The following LBP variants were observed in gnomAD, a reference collection of about 807,000 sequenced individuals.
LBP encodes lipopolysaccharide binding protein, also known as lipopolysaccharide-binding protein.
Under a neutral mutation model 56.6 loss-of-function variants are expected in LBP, and 53 were observed. The ratio of observed to expected loss-of-function variants is 0.94; its 90% CI spans 0.75 to 1.18. LBP has a LOEUF of 1.18. LBP is among the 50% of genes most tolerant of loss of function. The pLI is 0.00. For missense variants in LBP, 601 were observed against 598.3 expected (o/e 1.00, Z -0.05); for synonymous variants, 227 against 247.5 (o/e 0.92, Z 0.78).
chr20:38,370,610 TG>T, intron 10 of LBP, 127 bp from the exon 11 acceptor site: 1 of 782,826 alleles, frequency 1.3e-6, no homozygotes, highest in Non-Finnish European at 2.2e-6. Flanking sequence ...TATGATCTAG[TG>T]GGCAAATTTC....
chr20:38,352,912 CTCTT>C (rs1182642027), intron 3 of LBP, among the ~76,000 whole-genome samples: 3 of 151,710 alleles, frequency 2.0e-5, no homozygotes, highest in African/African-American at 4.8e-5. Flanking sequence ...TTAATTTCAG[CTCTT>C]TCTTTTTATC....
chr20:38,348,792 T>TTTA (rs1600721185), intron 1 of LBP, among the ~76,000 whole-genome samples: 506 of 41,552 alleles, frequency 0.012, 3 homozygotes, highest in East Asian at 0.046. Flanking sequence ...AGTTTAGTTT[T>TTTA]GTTTTGTTTT....
intron 1 of LBP, among the ~76,000 whole-genome samples, 181 bp from the exon 2 acceptor site, chr20:38,349,367 G>C (rs778220393): frequency 2.6e-5 from 4 of 152,180 alleles, no homozygotes; most frequent in Non-Finnish European, 5.9e-5. Flanking sequence ...GAAATGCAGG[G>C]ACACCTCTGA....
intron 12 of LBP, among the ~76,000 whole-genome samples, 156 bp downstream of exon 12, chr20:38,371,478 G>A (rs1048597804): frequency 6.6e-6 from 1 of 152,124 alleles, no homozygotes; most frequent in Non-Finnish European, 1.5e-5. Context: ...ACAAGACATA[G>A]GGCCAAGGAA....
chr20:38,360,023 AG>A (rs2076854078), intron 5 of LBP, among the ~76,000 whole-genome samples: 1 of 152,160 alleles, frequency 6.6e-6, no homozygotes, highest in South Asian at 2.1e-4. Flanking sequence ...AGGCCAAGGC[AG>A]GTGGATCGCC....
intron 5 of LBP, among the ~76,000 whole-genome samples, chr20:38,357,631 A>T (rs558518734): frequency 6.6e-6 from 1 of 152,348 alleles, no homozygotes; most frequent in Middle Eastern, 3.4e-3. Context: ...GGGTGAGTTC[A>T]TAAAGTGAAA....
chr20:38,362,048 G>GT (rs1248252945), intron 6 of LBP, among the ~76,000 whole-genome samples: 2 of 129,348 alleles, frequency 1.5e-5, no homozygotes, highest in Admixed American at 7.6e-5. Context: ...TTTATTTTTT[G>GT]TTTTCTTTTT....
intron 5 of LBP, among the ~76,000 whole-genome samples, chr20:38,356,715 A>G (rs1205245105): frequency 6.6e-6 from 1 of 152,212 alleles, no homozygotes; most frequent in African/African-American, 2.4e-5. Context: ...TTGTTTTGAT[A>G]AATGTATATA....
At chr20:38,366,289 T>G (rs2076881565) in intron 8 of LBP, among the ~76,000 whole-genome samples, 1 of 152,322 alleles carries the variant, frequency 6.6e-6, no homozygotes, top group Non-Finnish European at 1.5e-5. Context: ...GGTTTACCCA[T>G]CCTACTGCGG....
rs1404786804 is a variant in LBP at position 38,376,694 on chromosome 20, G to A, written c.*25G>A. ...AGGACAAGAAAGATGAAGCTTGGAG[G>A]TCACAGCTGGATCTGCTTGTTGCAT... On this transcript the variant is annotated 3_prime_UTR_variant, in exon 15 of 15. Coordinates refer to ENST00000217407, the MANE Select transcript of LBP (RefSeq NM_004139.5). 1 of 1,602,344 alleles carries A rather than the reference G, an allele frequency of 6.2e-7. No homozygotes were observed. The highest frequency in any genetic ancestry group is 8.6e-7 in the Non-Finnish European group (1 of 1,169,368).
intron 3 of LBP, among the ~76,000 whole-genome samples, chr20:38,353,342 G>T (rs1423109770): frequency 9.2e-5 from 14 of 151,980 alleles, no homozygotes; most frequent in Admixed American, 3.9e-4. Context: ...CCTTCCCCCA[G>T]CTCCAGACAA....
Position 38,349,538 on chromosome 20 carries a change from C to T in LBP, c.125-10C>T. 2 of 1,585,576 alleles carry T rather than the reference C, an allele frequency of 1.3e-6. No individual in the cohort carries two copies. Among genetic ancestry groups the T allele is most frequent in the Non-Finnish European group, 1.7e-6 (2 of 1,165,462 alleles). ...GATCAAGCTGACTCCCAGCTATTTC[C>T]TTTCCACAGCGGCCCAGGAGGGGCT... On this transcript the variant is annotated splice_polypyrimidine_tract_variant and intron_variant, in intron 1 of 14. Coordinates refer to ENST00000217407, the MANE Select transcript of LBP (RefSeq NM_004139.5).
At chr20:38,349,474 G>A in intron 1 of LBP, 74 bp from the exon 2 acceptor site, 1 of 1,113,486 alleles carries the variant, frequency 9.0e-7, no homozygotes, top group Non-Finnish European at 1.3e-6. Context: ...GGACAGGTGG[G>A]AGCCACCGTA....
At chr20:38,365,759 A>T in intron 8 of LBP, among the ~76,000 whole-genome samples, 1 of 147,854 alleles carries the variant, frequency 6.8e-6, no homozygotes, top group African/African-American at 2.4e-5. Context: ...TATGTGAATG[A>T]GGCAAGATAA....
At chr20:38,354,776 TCA>T (rs1432691847) in intron 4 of LBP, among the ~76,000 whole-genome samples, 1 of 152,112 alleles carries the variant, frequency 6.6e-6, no homozygotes, top group African/African-American at 2.4e-5. Context: ...TCTTCTAGTC[TCA>T]GTTTCCTTGA....
Position 38,366,797 on chromosome 20 carries a change from C to A in LBP, c.950C>A (p.Thr317Asn). ...MIPPDSNIRL[T>N]TKSFRPFVPR... Reference sequence around the variant, plus strand: ...CCGCCTGACTCTAATATCCGACTGACCACCAAGTCCTTCCGACCCTTCGTC... The same window carrying A: ...CCGCCTGACTCTAATATCCGACTGAACACCAAGTCCTTCCGACCCTTCGTC... The change falls in exon 9 of 15, where the codon ACC becomes AAC. Residue 317 changes from threonine (T) to asparagine (N), a missense_variant. By Grantham distance (65) the Thr-to-Asn change is moderately conservative. Coordinates refer to ENST00000217407, the MANE Select transcript of LBP (RefSeq NM_004139.5). The A allele has an allele frequency of 6.2e-7, 1 of 1,614,102 alleles. No homozygotes were observed. The highest frequency in any genetic ancestry group is 8.5e-7 in the Non-Finnish European group (1 of 1,180,002).
chr20:38,371,385 A>G, intron 12 of LBP, 63 bp downstream of exon 12: 2 of 1,203,328 alleles, frequency 1.7e-6, no homozygotes, highest in South Asian at 1.3e-5. Flanking sequence ...TTCCTAAGCA[A>G]TTGCTATGGC....
chr20:38,354,461 G>C, intron 4 of LBP, 22 bp downstream of exon 4: 1 of 1,593,168 alleles, frequency 6.3e-7, no homozygotes, highest in South Asian at 1.1e-5. Context: ...TCGGGGCACT[G>C]CCAGCTGGAC....
chr20:38,375,266 C>CT (rs796159055), intron 14 of LBP, among the ~76,000 whole-genome samples: 34 of 150,160 alleles, frequency 2.3e-4, no homozygotes, highest in Non-Finnish European at 3.3e-4. Flanking sequence ...CTTTCTTTCC[C>CT]TTTTTTTTTA....
Sources: gnomAD v4.1 joint callset for allele counts (sites outside exome capture counted in the v4.1 genomes callset) on GRCh38, gnomAD v4.1.1 for gene constraint, MANE v1.5 for transcripts, NCBI Gene and HGNC (gene_info 2026-07-23, HGNC 2026-07-21) for gene names.